The following TENM3 variants were observed in gnomAD, a reference collection of about 807,000 sequenced individuals.
The protein encoded by TENM3 is teneurin-3.
In TENM3, 63 loss-of-function variants were observed where a neutral mutation model predicts 255.1. The observed-to-expected ratio is 0.25, with a 90% CI of 0.20 to 0.30. TENM3 has a LOEUF of 0.30. Among genes scored for constraint, TENM3 ranks in the 10% least tolerant of loss-of-function variants. The probability of loss-of-function intolerance (pLI) is 1.00; values close to 1 mark genes in which losing one functional copy is unlikely to be tolerated. For missense variants in TENM3, 2,929 were observed against 3,461.1 expected (o/e 0.85, Z 3.86); for synonymous variants, 1,306 against 1,322.3 (o/e 0.99, Z 0.27).
At chr4:182,209,923 T>C (rs1341710034) in intron 1 of TENM3, among the ~76,000 whole-genome samples, 2 of 152,140 alleles carry the variant, frequency 1.3e-5, no homozygotes, top group Admixed American at 1.3e-4. Context: ...AACTCATTCA[T>C]GTCTCAGTCC....
At chr4:182,170,832 A>G (rs187425732) in intron 1 of TENM3, among the ~76,000 whole-genome samples, 10 of 152,320 alleles carry the variant, frequency 6.6e-5, no homozygotes, top group African/African-American at 2.4e-4. Context: ...AATTTCAGTG[A>G]TGATGTACAT....
the TENM3 span, among the ~76,000 whole-genome samples, chr4:182,128,931 C>T: frequency 8.3e-6 from 1 of 121,080 alleles, no homozygotes; most frequent in Non-Finnish European, 1.7e-5. Flanking sequence ...AGACTTTTTT[C>T]TCTCATATTT....
At chr4:181,806,262 C>A in the TENM3 span, among the ~76,000 whole-genome samples, 1 of 152,138 alleles carries the variant, frequency 6.6e-6, no homozygotes. Flanking sequence ...CAAGGAGCTG[C>A]GTTTACTGTA....
chr4:181,745,773 T>C, the TENM3 span, among the ~76,000 whole-genome samples: 4 of 152,034 alleles, frequency 2.6e-5, no homozygotes, highest in African/African-American at 7.2e-5. Flanking sequence ...GAAATTGTGA[T>C]TGGGGAGGGA....
At chr4:182,377,609 C>T (rs1313977744) in intron 3 of TENM3, among the ~76,000 whole-genome samples, 2 of 152,146 alleles carry the variant, frequency 1.3e-5, no homozygotes, top group African/African-American at 4.8e-5. Flanking sequence ...CCACCACGCC[C>T]GGCTCCACAA....
the TENM3 span, among the ~76,000 whole-genome samples, chr4:181,804,609 C>A: frequency 6.6e-6 from 1 of 152,106 alleles, no homozygotes; most frequent in Non-Finnish European, 1.5e-5. Flanking sequence ...GAGGGAAAGG[C>A]AATTCCAGGT....
the TENM3 span, among the ~76,000 whole-genome samples, chr4:181,596,787 T>C: frequency 6.6e-6 from 1 of 152,092 alleles, no homozygotes; most frequent in African/African-American, 2.4e-5. Context: ...TGCAGGAACA[T>C]GGATGGAGCT....
chr4:181,957,009 C>T, the TENM3 span, among the ~76,000 whole-genome samples: 1 of 152,152 alleles, frequency 6.6e-6, no homozygotes, highest in Non-Finnish European at 1.5e-5. Flanking sequence ...AAATTATTCT[C>T]ACTAAAATAA....
At chr4:182,049,049 A>G in the TENM3 span, among the ~76,000 whole-genome samples, 3 of 152,108 alleles carry the variant, frequency 2.0e-5, no homozygotes, top group African/African-American at 7.2e-5. Context: ...TGACCCACAT[A>G]GCATGGGGGA....
At chr4:181,830,296 T>C in the TENM3 span, among the ~76,000 whole-genome samples, 1 of 152,092 alleles carries the variant, frequency 6.6e-6, no homozygotes, top group Non-Finnish European at 1.5e-5. Context: ...TTGAGCAGAG[T>C]CTTGCTCTGT....
At chr4:182,780,808 G>C (rs1486238089) in intron 24 of TENM3, among the ~76,000 whole-genome samples, 5 of 151,602 alleles carry the variant, frequency 3.3e-5, no homozygotes, top group Non-Finnish European at 5.9e-5. Context: ...ATTTTATTCT[G>C]TTTGAAGCAA....
the TENM3 span, among the ~76,000 whole-genome samples, chr4:181,693,115 C>A: frequency 2.0e-5 from 3 of 152,248 alleles, no homozygotes; most frequent in South Asian, 6.2e-4. Flanking sequence ...ATCAAATGTA[C>A]CAGACCCTTC....
chr4:181,992,268 G>A, the TENM3 span, among the ~76,000 whole-genome samples: 1 of 152,106 alleles, frequency 6.6e-6, no homozygotes, highest in Non-Finnish European at 1.5e-5. Context: ...CTTTCAAACA[G>A]CATGTTTTTA....
the TENM3 span, among the ~76,000 whole-genome samples, chr4:181,574,974 T>G: frequency 6.6e-6 from 1 of 152,176 alleles, no homozygotes; most frequent in African/African-American, 2.4e-5. Flanking sequence ...ATGCTATTAT[T>G]TTTGCATCGA....
In TENM3 at chr4:182,557,315, C is replaced by T. The variant is rs543774647; in HGVS notation, c.512-43609C>T. 2.0e-5 allele frequency among the ~76,000 whole-genome samples: 3 copies of T among 152,252 alleles called. No homozygotes were observed. In the South Asian group the frequency reaches 6.2e-4, roughly 32 times the overall value. On this transcript the variant is annotated intron_variant, in intron 3 of 27. Transcript: ENST00000511685. ...TTGTTCCTGTCCAACTCAGATCACT[C>T]GTGTGTGTGAACTAAGTACTCTGAG...
chr4:182,196,280 A>G (rs933658312), intron 1 of TENM3, among the ~76,000 whole-genome samples: 3 of 152,098 alleles, frequency 2.0e-5, no homozygotes, highest in African/African-American at 7.2e-5. Flanking sequence ...CGAGTTGCTA[A>G]GGATCATCTG....
chr4:181,517,255 T>G, the TENM3 span, among the ~76,000 whole-genome samples: 1 of 152,184 alleles, frequency 6.6e-6, no homozygotes, highest in Non-Finnish European at 1.5e-5. Flanking sequence ...ATTTTCTTAT[T>G]TTATGAGGAA....
the TENM3 span, among the ~76,000 whole-genome samples, chr4:181,931,235 G>A: frequency 1.3e-5 from 2 of 152,200 alleles, no homozygotes; most frequent in Admixed American, 1.3e-4. Flanking sequence ...CTTTCTGTTT[G>A]CAGATGACAT....
the TENM3 span, among the ~76,000 whole-genome samples, chr4:181,597,446 A>G: frequency 6.6e-6 from 1 of 151,976 alleles, no homozygotes; most frequent in Non-Finnish European, 1.5e-5. Flanking sequence ...TTTATCTTTT[A>G]TCTGCCAACA....
Sources: gnomAD v4.1 joint callset for allele counts (sites outside exome capture counted in the v4.1 genomes callset) on GRCh38, gnomAD v4.1.1 for gene constraint, MANE v1.5 for transcripts, NCBI Gene and HGNC (gene_info 2026-07-23, HGNC 2026-07-21) for gene names.